TNKS2: variants seen among roughly 807,000 people sequenced by gnomAD.
TNKS2 encodes the protein tankyrase 2.
A neutral mutation model predicts 137.6 loss-of-function variants in TNKS2; 72 were observed. The observed-to-expected ratio is 0.52, with a 90% CI of 0.43 to 0.64. The LOEUF is 0.64. Ranked by LOEUF, TNKS2 falls within the 30% of genes least tolerant of loss-of-function variation. The pLI is 0.00. For synonymous variants in TNKS2, 516 were observed against 512.1 expected (o/e 1.01, Z -0.10); for missense variants, 1,049 against 1,410.2 (o/e 0.74, Z 4.10).
chr10:91,837,401 T>A (rs537423696), intron 13 of TNKS2, among the ~76,000 whole-genome samples: 87 of 152,226 alleles, frequency 5.7e-4, no homozygotes, highest in Non-Finnish European at 7.6e-4. Flanking sequence ...TCTTCATTTC[T>A]TCACCCCATC....
intron 24 of TNKS2, among the ~76,000 whole-genome samples, chr10:91,859,260 C>T (rs2133684616): frequency 6.6e-6 from 1 of 152,306 alleles, no homozygotes; most frequent in African/African-American, 2.4e-5. Context: ...CATAAACCAG[C>T]ACTCTGTTAG....
intron 16 of TNKS2, 112 bp from the exon 17 acceptor site, chr10:91,844,807 T>TAG: frequency 1.6e-6 from 1 of 607,552 alleles, no homozygotes; most frequent in Non-Finnish European, 2.8e-6. Context: ...TATAAATACA[T>TAG]ATATATATGT....
intron 19 of TNKS2, among the ~76,000 whole-genome samples, chr10:91,849,250 A>G (rs1482846646): frequency 6.6e-6 from 1 of 152,230 alleles, no homozygotes; most frequent in Non-Finnish European, 1.5e-5. Flanking sequence ...ATCCTGAAAG[A>G]TAGGAAAACT....
chr10:91,856,559 A>T (rs1007162945), intron 23 of TNKS2, among the ~76,000 whole-genome samples: 2 of 152,220 alleles, frequency 1.3e-5, no homozygotes, highest in Admixed American at 1.3e-4. Context: ...GAGTGAGAGC[A>T]GGAGAGAGGT....
intron 1 of TNKS2, among the ~76,000 whole-genome samples, chr10:91,804,942 TTA>T (rs758946563): frequency 6.6e-6 from 1 of 152,138 alleles, no homozygotes; most frequent in African/African-American, 2.4e-5. Flanking sequence ...TTTTATATTT[TTA>T]GTAGAAACAG....
chr10:91,808,328 T>A lies in TNKS2; in HGVS notation c.200-4655T>A, dbSNP rs1844395875. On this transcript the variant is annotated intron_variant, in intron 1 of 26. Coordinates refer to ENST00000371627, the MANE Select transcript of TNKS2 (RefSeq NM_025235.4). ...GGCATGTACCAAGTCGCTGACATAC[T>A]TGACAAACTGAAAGTATATTATAGT... Among the ~76,000 whole-genome samples, 2 of 151,838 alleles carry A rather than the reference T, an allele frequency of 1.3e-5. 1 individual carries two copies. Among genetic ancestry groups the A allele is most frequent in the South Asian group, 4.1e-4 (2 of 4,828 alleles).
intron 7 of TNKS2, among the ~76,000 whole-genome samples, chr10:91,825,117 G>A (rs911507586): frequency 4.0e-5 from 6 of 151,524 alleles, no homozygotes; most frequent in Admixed American, 1.3e-4. Flanking sequence ...TGTTTTGGTC[G>A]AGGGGAGAGG....
chr10:91,811,212 C>G (rs1457537702), intron 1 of TNKS2, among the ~76,000 whole-genome samples: 1 of 152,116 alleles, frequency 6.6e-6, no homozygotes, highest in Admixed American at 6.5e-5. Context: ...GCGTGAGCCA[C>G]TGCGCCCAGC....
At chr10:91,848,669 G>A (rs1284581013) in intron 19 of TNKS2, 34 bp downstream of exon 19, 1 of 1,607,560 alleles carries the variant, frequency 6.2e-7, no homozygotes, top group African/African-American at 1.3e-5. Flanking sequence ...TTTCTAACTG[G>A]TATTGTAGCC....
chr10:91,814,616 T>C (rs1051432334), intron 2 of TNKS2, among the ~76,000 whole-genome samples: 3 of 152,312 alleles, frequency 2.0e-5, no homozygotes, highest in Middle Eastern at 3.4e-3. Context: ...TATACAGATA[T>C]ACCATTTCTT....
At chr10:91,810,326 C>T (rs529751258) in intron 1 of TNKS2, among the ~76,000 whole-genome samples, 10 of 151,504 alleles carry the variant, frequency 6.6e-5, no homozygotes, top group Non-Finnish European at 1.2e-4. Flanking sequence ...TGCAGTGAGC[C>T]GAGATCACGC....
rs761686210 is a variant in TNKS2, at chr10:91,813,158, T to C, written c.375T>C (p.Tyr125=). The change falls in exon 2 of 27, where the codon TAT becomes TAC. Residue 125 remains tyrosine, a synonymous_variant. Transcript: ENST00000371627. The part of the protein sequence containing the change: ...ADPNARDNWN[Y]TPLHEAAIKG... ...CCAATGCTCGAGATAATTGGAATTATACTCCTCTCCATGAAGCTGCAATTA... is the reference window on the plus strand; with the variant it reads ...CCAATGCTCGAGATAATTGGAATTACACTCCTCTCCATGAAGCTGCAATTA... 137 of 1,614,098 alleles carry C rather than the reference T, an allele frequency of 8.5e-5. No homozygotes were observed. Among genetic ancestry groups the C allele is most frequent in the African/African-American group, 1.2e-4 (9 of 74,952 alleles).
In TNKS2 at chr10:91,851,422, T is replaced by TGTAC. The variant is rs1554840575; in HGVS notation, c.2815+87_2815+88insTACG. ...TGTACTAAGTTATAATTTAAAAATATGAGAGAATCTGTTTAATAGGAAGAA... is the reference window on the plus strand; with the variant it reads ...TGTACTAAGTTATAATTTAAAAATATGTACGAGAGAATCTGTTTAATAGGAAGAA... On this transcript the variant is annotated intron_variant, in intron 21 of 26. Transcript: ENST00000371627. The TGTAC allele has an allele frequency of 3.0e-4, 426 of 1,440,758 alleles. 3 individuals are homozygous for TGTAC. In the South Asian group the frequency reaches 5.0e-3, roughly 17 times the overall value. The allele number at this position is 1,440,758 out of a possible 1,614,324, so 89.2% of individuals were successfully genotyped here. A position where few individuals can be genotyped will look rare whatever the true frequency, so the allele number is the denominator to read the frequency against.
chr10:91,819,544 G>T lies in TNKS2; in HGVS notation c.620G>T (p.Ser207Ile), dbSNP rs757511917. ...CCATTAAATGTCAACTGCCACGCAA[G>T]TGATGGCAGAAAGGTACTTCCTTTT... is the stretch of plus-strand genomic sequence containing the variant. ...LTPLNVNCHASDGRKSTPLHL... is the reference protein window; with the variant it reads ...LTPLNVNCHAIDGRKSTPLHL... The change falls in exon 5 of 27, where the codon AGT (serine) becomes ATT (isoleucine). Residue 207 changes from serine (S) to isoleucine (I), a missense_variant. Physicochemically the swap from Ser to Ile is moderately radical, Grantham distance 142. This residue lies in a region of TNKS2 where 374 missense variants were observed against 460.8 expected (regional missense o/e 0.81). Transcript: ENST00000371627. 31 of 1,592,146 alleles carry T rather than the reference G, an allele frequency of 1.9e-5. No individual in the cohort carries two copies. Among genetic ancestry groups the T allele is most frequent in the Non-Finnish European group, 2.5e-5 (29 of 1,174,162 alleles).
intron 21 of TNKS2, among the ~76,000 whole-genome samples, chr10:91,852,208 A>G (rs1331416552): frequency 6.6e-6 from 1 of 151,468 alleles, no homozygotes; most frequent in Middle Eastern, 3.2e-3. Context: ...AGCCTGGGCG[A>G]CAGAGCGAGA....
intron 12 of TNKS2, chr10:91,836,666 A>G: frequency 1.0e-6 from 1 of 985,332 alleles, no homozygotes; most frequent in South Asian, 4.7e-5. Context: ...GTTCCTTTAT[A>G]TTGCTTACAT....
intron 1 of TNKS2, among the ~76,000 whole-genome samples, chr10:91,799,498 G>A (rs986809681): frequency 1.3e-5 from 2 of 152,142 alleles, no homozygotes; most frequent in African/African-American, 4.8e-5. Flanking sequence ...GGAAGCCTTA[G>A]ACACACACAC....
At chr10:91,840,976 A>G (rs1842191941) in intron 14 of TNKS2, among the ~76,000 whole-genome samples, 1 of 152,162 alleles carries the variant, frequency 6.6e-6, no homozygotes, top group African/African-American at 2.4e-5. Flanking sequence ...TAAATTTTTC[A>G]GTTTCCATGG....
At chr10:91,826,925 G>GTT in intron 7 of TNKS2, 92 bp from the exon 8 acceptor site, 1 of 1,219,992 alleles carries the variant, frequency 8.2e-7, no homozygotes, top group Non-Finnish European at 1.1e-6. Flanking sequence ...AACATAACCT[G>GTT]TTTTAGCCTG....
Sources: allele counts gnomAD v4.1 joint callset (sites outside exome capture counted in the v4.1 genomes callset), GRCh38; gene constraint gnomAD v4.1.1; regional missense constraint gnomAD v4.1.1; transcripts MANE v1.5; gene names NCBI Gene and HGNC (gene_info 2026-07-23, HGNC 2026-07-21).